RAB3C: variants seen among roughly 807,000 people sequenced by gnomAD.
The protein encoded by RAB3C is RAB3C, member RAS oncogene family, also known as ras-related protein Rab-3C.
In RAB3C, 17 loss-of-function variants were observed where a neutral mutation model predicts 26.4. That is an observed-to-expected ratio of 0.64 (90% CI 0.44 to 0.97). The LOEUF is 0.97. RAB3C is among the 50% of genes least tolerant of loss of function. The probability of loss-of-function intolerance (pLI) is 0.00; values close to 1 mark genes in which losing one functional copy is unlikely to be tolerated. For missense variants in RAB3C, 242 were observed against 281.9 expected, an observed-to-expected ratio of 0.86 and a Z score of 1.01; for synonymous variants, 91 against 95.9, an observed-to-expected ratio of 0.95 and a Z score of 0.30.
At chr5:58,781,614 G>T (rs1742272679) in intron 3 of RAB3C, among the ~76,000 whole-genome samples, 1 of 151,884 alleles carries the variant, frequency 6.6e-6, no homozygotes. Context: ...AATCTTCTTA[G>T]ATTACTCTTT....
Position 58,649,155 on chromosome 5 carries a change from G to A in RAB3C, c.252+31285G>A, listed in dbSNP as rs548197010. ...GTAAAGAGTTGCTGTCTCAAGTCCC[G>A]CAATTGCTCTACCACCTGCTGGTCC... On this transcript the variant is annotated intron_variant, in intron 2 of 4. Transcript: ENST00000282878. Among the ~76,000 whole-genome samples, 21 of 152,172 alleles carry A rather than the reference G, an allele frequency of 1.4e-4. No individual in the cohort carries two copies. The East Asian group carries it at 1.5e-3, about 11-fold the overall frequency.
intron 2 of RAB3C, among the ~76,000 whole-genome samples, chr5:58,666,595 TG>T (rs1748006885): frequency 2.6e-5 from 4 of 152,280 alleles, no homozygotes; most frequent in Admixed American, 2.6e-4. Context: ...CAAACAATGG[TG>T]GTTCACACAC....
intron 3 of RAB3C, among the ~76,000 whole-genome samples, chr5:58,819,998 G>A (rs1457842888): frequency 1.3e-5 from 2 of 152,146 alleles, no homozygotes; most frequent in African/African-American, 4.8e-5. Flanking sequence ...TATTGCCAAA[G>A]TCATACAGTT....
chr5:58,704,083 C>T (rs2111884589), intron 2 of RAB3C, among the ~76,000 whole-genome samples: 1 of 152,258 alleles, frequency 6.6e-6, no homozygotes, highest in South Asian at 2.1e-4. Context: ...AGTCCTAAGC[C>T]CTCTTCCCTA....
rs1018857682 is a variant in RAB3C, at chr5:58,805,785, G to C, written c.372-19253G>C. Reference sequence around the variant, plus strand: ...GTGTGTTCAGCCTGAGTTGGCAAAGGTGAGGAGGTATAAGTGGTGTGCTAC... The same window carrying C: ...GTGTGTTCAGCCTGAGTTGGCAAAGCTGAGGAGGTATAAGTGGTGTGCTAC... On this transcript the variant is annotated intron_variant, in intron 3 of 4. Coordinates refer to ENST00000282878, the MANE Select transcript of RAB3C (RefSeq NM_138453.4). 2.6e-5 allele frequency among the ~76,000 whole-genome samples: 4 copies of C among 152,014 alleles called. 1 individual carries two copies. The East Asian group carries it at 7.7e-4, about 29-fold the overall frequency.
chr5:58,646,167 A>G (rs998539362), intron 2 of RAB3C, among the ~76,000 whole-genome samples: 3 of 152,104 alleles, frequency 2.0e-5, no homozygotes, highest in African/African-American at 4.8e-5. Flanking sequence ...AGCACCACCC[A>G]TCCTCATCCC....
chr5:58,714,326 TG>T (rs1336122359), intron 2 of RAB3C, among the ~76,000 whole-genome samples: 2 of 152,122 alleles, frequency 1.3e-5, no homozygotes, highest in African/African-American at 4.8e-5. Context: ...TGGAATGATG[TG>T]GTAAAGTGAA....
chr5:58,848,038 G>T (rs999800892), intron 4 of RAB3C, among the ~76,000 whole-genome samples: 36 of 152,066 alleles, frequency 2.4e-4, no homozygotes, highest in African/African-American at 7.7e-4. Context: ...TGTATTTTTA[G>T]TAGAGGCAGG....
At chr5:58,671,712 C>T (rs1413809835) in intron 2 of RAB3C, among the ~76,000 whole-genome samples, 8 of 152,262 alleles carry the variant, frequency 5.3e-5, no homozygotes, top group South Asian at 2.1e-4. Context: ...TGGAAAGTTT[C>T]GGTTGTTATT....
intron 3 of RAB3C, among the ~76,000 whole-genome samples, chr5:58,751,515 G>C (rs10041999): frequency 6.6e-6 from 1 of 152,130 alleles, no homozygotes; most frequent in Non-Finnish European, 1.5e-5. Context: ...CGGAAGCCAT[G>C]AACATGATAT....
chr5:58,760,849 T>C (rs919722684), intron 3 of RAB3C, among the ~76,000 whole-genome samples: 2 of 152,136 alleles, frequency 1.3e-5, no homozygotes, highest in African/African-American at 4.8e-5. Flanking sequence ...AAAACATCAG[T>C]CATCAGTACA....
Position 58,825,128 on chromosome 5 carries a change from A to G in RAB3C, c.462A>G (p.Ser154=), listed in dbSNP as rs144422435. 256 of 1,612,768 alleles carry G rather than the reference A, an allele frequency of 1.6e-4. No homozygotes were observed. In the African/African-American group the frequency reaches 3.1e-3, roughly 20 times the overall value. ...ACATGGAAGACGAGCGGGTCATCTC[A>G]ACTGAGCGAGGTCAACATTTAGGAG... is the stretch of plus-strand genomic sequence containing the variant. ...KCDMEDERVI[S]TERGQHLGEQ... is the part of the protein sequence containing the mutation. Residue 154 remains serine (S), a synonymous_variant, in exon 4 of 5, where the codon TCA becomes TCG. Coordinates refer to ENST00000282878, the MANE Select transcript of RAB3C (RefSeq NM_138453.4).
At chr5:58,596,351 T>C (rs892285237) in intron 1 of RAB3C, among the ~76,000 whole-genome samples, 3 of 151,194 alleles carry the variant, frequency 2.0e-5, no homozygotes, top group Non-Finnish European at 4.4e-5. Flanking sequence ...TTGACCTTTC[T>C]TTTCTACTCT....
intron 3 of RAB3C, among the ~76,000 whole-genome samples, chr5:58,780,851 A>C (rs1283545149): frequency 6.6e-6 from 1 of 152,052 alleles, no homozygotes; most frequent in Non-Finnish European, 1.5e-5. Context: ...GGGGCTAATA[A>C]AAAATATTAA....
chr5:58,693,353 T>TATATATATATATATATATATATATATAC (rs911414778), intron 2 of RAB3C, among the ~76,000 whole-genome samples: 69 of 142,250 alleles, frequency 4.9e-4, no homozygotes, highest in African/African-American at 1.8e-3. Flanking sequence ...TATATATATA[T>TATATATATATATATATATATATATATAC]ATATATATAA....
chr5:58,711,727 A>G (rs1035986104), intron 2 of RAB3C, among the ~76,000 whole-genome samples: 1 of 152,198 alleles, frequency 6.6e-6, no homozygotes, highest in African/African-American at 2.4e-5. Context: ...GCCCAGGGTC[A>G]TATAACTGAT....
chr5:58,584,691 C>T (rs994366740), intron 1 of RAB3C, among the ~76,000 whole-genome samples: 2 of 152,034 alleles, frequency 1.3e-5, no homozygotes, highest in Non-Finnish European at 2.9e-5. Flanking sequence ...AAAACATGTA[C>T]ATCTTAAATT....
intron 2 of RAB3C, among the ~76,000 whole-genome samples, chr5:58,631,626 T>C (rs771689327): frequency 3.9e-5 from 6 of 152,186 alleles, no homozygotes; most frequent in Non-Finnish European, 8.8e-5. Context: ...ATTGACACTT[T>C]ACTGTAATTG....
chr5:58,606,415 G>A (rs1399367468), intron 1 of RAB3C, among the ~76,000 whole-genome samples: 8 of 152,206 alleles, frequency 5.3e-5, no homozygotes, highest in East Asian at 3.9e-4. Flanking sequence ...AGAGCCCACC[G>A]CAGCTCAGCA....
Sources: gnomAD v4.1 joint callset for allele counts (sites outside exome capture counted in the v4.1 genomes callset) on GRCh38, gnomAD v4.1.1 for gene constraint, MANE v1.5 for transcripts, NCBI Gene and HGNC (gene_info 2026-07-23, HGNC 2026-07-21) for gene names.